The following CSMD1 variants were observed in gnomAD, a reference collection of about 807,000 sequenced individuals.
CSMD1 encodes the protein CUB and Sushi multiple domains 1, also known as CUB and sushi domain-containing protein 1.
In CSMD1, 213 loss-of-function variants were observed where a neutral mutation model predicts 417.5. The ratio of observed to expected loss-of-function variants is 0.51; its 90% CI spans 0.46 to 0.57. The LOEUF is 0.57. CSMD1 is among the 20% of genes least tolerant of loss of function. The pLI is 0.00. For missense variants in CSMD1, 6,923 were observed against 4,529.7 expected (o/e 1.53, Z -15.17); for synonymous variants, 2,862 against 1,736.8 (o/e 1.65, Z -16.11).
At chr8:4,113,336 C>A (rs1801958555) in intron 3 of CSMD1, among the ~76,000 whole-genome samples, 1 of 150,742 alleles carries the variant, frequency 6.6e-6, no homozygotes, top group African/African-American at 2.4e-5. Context: ...CCTGCTGCAC[C>A]CAACAGCCAA....
chr8:4,255,191 G>A (rs762445089), intron 3 of CSMD1, among the ~76,000 whole-genome samples: 2 of 152,154 alleles, frequency 1.3e-5, no homozygotes, highest in African/African-American at 2.4e-5. Context: ...AGCATGATGG[G>A]TGCCAACTAA....
At chr8:4,834,944 C>T (rs6991841) in intron 1 of CSMD1, among the ~76,000 whole-genome samples, 1 of 115,624 alleles carries the variant, frequency 8.6e-6, no homozygotes, top group East Asian at 2.6e-4. Context: ...GCGACAGGGC[C>T]AGACTCCATC....
rs1486284693 is a variant in CSMD1 at position 2,998,073 on chromosome 8, C to T, written c.8315G>A (p.Gly2772Asp). The T allele has an allele frequency of 1.2e-6, 2 of 1,613,998 alleles. No individual in the cohort carries two copies. Among genetic ancestry groups the T allele is most frequent in the Non-Finnish European group, 1.7e-6 (2 of 1,179,878 alleles). Residue 2772 changes from glycine (G) to aspartate (D), a missense_variant, in exon 54 of 70, where the codon GGC becomes GAC. Physicochemically the swap from Gly to Asp is moderately conservative, Grantham distance 94. Coordinates refer to ENST00000635120, the MANE Select transcript of CSMD1 (RefSeq NM_033225.6). ...GCTCCGACACTGGGCTCGAGACACGCCCTGCAGCAAATAGCCCGTGTTGCA... is the reference window on the plus strand; with the variant it reads ...GCTCCGACACTGGGCTCGAGACACGTCCTGCAGCAAATAGCCCGTGTTGCA... ...FTCNTGYLLQ[G>D]VSRAQCRSNG...
At chr8:4,783,956 A>C (rs17071338) in intron 1 of CSMD1, among the ~76,000 whole-genome samples, 1 of 152,174 alleles carries the variant, frequency 6.6e-6, no homozygotes. Flanking sequence ...AGAGCTTAAA[A>C]GTTCCCACAG....
Position 3,910,778 on chromosome 8 carries a change from G to C in CSMD1, c.818+87125C>G, listed in dbSNP as rs112183423. On this transcript the variant is annotated intron_variant, in intron 5 of 69. Transcript: ENST00000635120. The stretch of plus-strand genomic sequence containing the variant: ...TAGAGATTGTAGTGCCTTCTCTCCA[G>C]AGTACATTATTACAAATATAACTTG... 4.0e-4 allele frequency among the ~76,000 whole-genome samples: 61 copies of C among 152,266 alleles called. 1 individual carries two copies. Among genetic ancestry groups the C allele is most frequent in the South Asian group, 8.3e-4 (4 of 4,808 alleles).
intron 50 of CSMD1, among the ~76,000 whole-genome samples, chr8:3,035,263 G>C (rs1810597578): frequency 6.6e-6 from 1 of 152,142 alleles, no homozygotes; most frequent in African/African-American, 2.4e-5. Context: ...ACGCGCATCT[G>C]TTTAAAAAGC....
chr8:3,973,564 T>G (rs113744312), intron 5 of CSMD1, among the ~76,000 whole-genome samples: 20 of 152,296 alleles, frequency 1.3e-4, no homozygotes, highest in African/African-American at 4.8e-4. Flanking sequence ...TTTCTTGTCA[T>G]TCTAGAATTT....
At chr8:4,067,799 C>T (rs1194160839) in intron 3 of CSMD1, among the ~76,000 whole-genome samples, 3 of 152,118 alleles carry the variant, frequency 2.0e-5, no homozygotes, top group African/African-American at 7.2e-5. Flanking sequence ...TAAAATGGGG[C>T]CAGATACAGT....
intron 1 of CSMD1, among the ~76,000 whole-genome samples, chr8:4,848,564 A>G: frequency 6.7e-6 from 1 of 149,258 alleles, no homozygotes. Context: ...TTTGAGACGG[A>G]GTCTCACTCT....
intron 6 of CSMD1, among the ~76,000 whole-genome samples, chr8:3,709,971 C>A (rs532667586): frequency 6.6e-6 from 1 of 151,656 alleles, no homozygotes; most frequent in East Asian, 2.0e-4. Flanking sequence ...CCCCCACACA[C>A]AGCTGAAAAC....
chr8:3,308,802 C>A (rs1009105841), intron 23 of CSMD1, among the ~76,000 whole-genome samples: 1 of 142,208 alleles, frequency 7.0e-6, no homozygotes, highest in Non-Finnish European at 1.5e-5. Context: ...TGCCTCACTG[C>A]AACCTCCACC....
intron 1 of CSMD1, among the ~76,000 whole-genome samples, chr8:4,695,336 C>T (rs1414257801): frequency 2.6e-5 from 4 of 152,086 alleles, no homozygotes; most frequent in Non-Finnish European, 4.4e-5. Context: ...ATTCAGCCTA[C>T]ATCCATGCTT....
Position 3,428,281 on chromosome 8 carries a change from G to A in CSMD1, c.1562-18676C>T, listed in dbSNP as rs574633202. 2.0e-5 allele frequency among the ~76,000 whole-genome samples: 3 copies of A among 152,218 alleles called. No homozygotes were observed. In the South Asian group the frequency reaches 6.2e-4, roughly 32 times the overall value. ...AAGTCACTTTAGAAAACAAACAAAC[G>A]GCTCTGCAGCCAGAACTGCTTCCTT... On this transcript the variant is annotated intron_variant, in intron 12 of 69. Coordinates refer to ENST00000635120, the MANE Select transcript of CSMD1 (RefSeq NM_033225.6).
chr8:4,095,121 A>T (rs558167293), intron 3 of CSMD1, among the ~76,000 whole-genome samples: 1 of 152,142 alleles, frequency 6.6e-6, no homozygotes, highest in Non-Finnish European at 1.5e-5. Flanking sequence ...ACGGATATGG[A>T]AAGAACTTGG....
At chr8:4,832,083 C>G (rs770446686) in intron 1 of CSMD1, among the ~76,000 whole-genome samples, 4 of 152,176 alleles carry the variant, frequency 2.6e-5, no homozygotes, top group Non-Finnish European at 4.4e-5. Context: ...TTCTATCTAC[C>G]CTTCTCTTCG....
At chr8:4,777,118 G>C (rs540169555) in intron 1 of CSMD1, among the ~76,000 whole-genome samples, 1 of 152,290 alleles carries the variant, frequency 6.6e-6, no homozygotes, top group Non-Finnish European at 1.5e-5. Context: ...CCAGACAATA[G>C]ATTCACAGTG....
chr8:3,368,121 T>G (rs990343823), intron 19 of CSMD1, among the ~76,000 whole-genome samples: 1 of 152,212 alleles, frequency 6.6e-6, no homozygotes, highest in Non-Finnish European at 1.5e-5. Context: ...AAAATGTGTA[T>G]TTTTATGATT....
intron 3 of CSMD1, among the ~76,000 whole-genome samples, chr8:4,148,365 T>C (rs1161453241): frequency 1.0e-4 from 10 of 97,070 alleles, no homozygotes; most frequent in Non-Finnish European, 1.4e-4. Context: ...CCGGTGCCTG[T>C]TGTGGGGTGG....
intron 1 of CSMD1, among the ~76,000 whole-genome samples, chr8:4,719,604 T>C (rs1016529017): frequency 6.6e-6 from 1 of 151,574 alleles, no homozygotes; most frequent in African/African-American, 2.4e-5. Context: ...TTTGGGATGG[T>C]AAGGTCAATA....
Sources: allele counts gnomAD v4.1 joint callset (sites outside exome capture counted in the v4.1 genomes callset), GRCh38; gene constraint gnomAD v4.1.1; transcripts MANE v1.5; gene names NCBI Gene and HGNC (gene_info 2026-07-23, HGNC 2026-07-21).